Variants in DPYD observed in about 807,000 individuals in gnomAD.
DPYD encodes dihydropyrimidine dehydrogenase.
A neutral mutation model predicts 116.2 loss-of-function variants in DPYD; 109 were observed. The ratio of observed to expected loss-of-function variants is 0.94; its 90% CI spans 0.80 to 1.10. DPYD has a LOEUF of 1.10. DPYD is among the 50% of genes least tolerant of loss of function. The probability of loss-of-function intolerance (pLI) is 0.00; values close to 1 mark genes in which losing one functional copy is unlikely to be tolerated. For synonymous variants in DPYD, 440 were observed against 432.0 expected, an observed-to-expected ratio of 1.02 and a Z score of -0.23; for missense variants, 1,302 against 1,254.5, an observed-to-expected ratio of 1.04 and a Z score of -0.57.
chr1:97,408,208 G>A (rs1184425360), intron 14 of DPYD, among the ~76,000 whole-genome samples: 2 of 152,128 alleles, frequency 1.3e-5, no homozygotes, highest in Non-Finnish European at 2.9e-5. Flanking sequence ...ACCTGCTGAG[G>A]TGCTTGCTGA....
chr1:97,450,339 G>T, intron 13 of DPYD, 116 bp from the exon 14 acceptor site: 1 of 1,132,778 alleles, frequency 8.8e-7, no homozygotes, highest in Non-Finnish European at 1.2e-6. Context: ...CATTTTTGCA[G>T]AGGAATTTTT....
At chr1:97,881,398 T>C (rs569075698) in intron 2 of DPYD, among the ~76,000 whole-genome samples, 5 of 152,112 alleles carry the variant, frequency 3.3e-5, no homozygotes, top group Admixed American at 2.0e-4. Flanking sequence ...CTCTGTTGTT[T>C]AAGCCACCTA....
intron 3 of DPYD, among the ~76,000 whole-genome samples, chr1:97,821,500 A>G (rs1432814168): frequency 6.6e-6 from 1 of 152,194 alleles, no homozygotes; most frequent in Non-Finnish European, 1.5e-5. Context: ...AAGAAAGAAT[A>G]TGATGAAAAG....
intron 3 of DPYD, among the ~76,000 whole-genome samples, chr1:97,780,305 T>C (rs1666667947): frequency 6.6e-6 from 1 of 152,204 alleles, no homozygotes; most frequent in East Asian, 1.9e-4. Flanking sequence ...GACTTCGACA[T>C]TGTTGTTTTG....
At chr1:97,136,717 T>G (rs1308794028) in intron 20 of DPYD, among the ~76,000 whole-genome samples, 1 of 152,144 alleles carries the variant, frequency 6.6e-6, no homozygotes, top group African/African-American at 2.4e-5. Flanking sequence ...TAGTCTGAAC[T>G]TCCCCAAAAA....
At chr1:97,805,706 CA>C (rs144533941) in intron 3 of DPYD, among the ~76,000 whole-genome samples, 435 of 151,542 alleles carry the variant, frequency 2.9e-3, no homozygotes, top group Non-Finnish European at 4.7e-3. Context: ...AGTAGACAAA[CA>C]AAAGTTCCTA....
intron 18 of DPYD, among the ~76,000 whole-genome samples, chr1:97,270,309 G>A (rs796409542): frequency 6.6e-6 from 1 of 152,168 alleles, no homozygotes; most frequent in Non-Finnish European, 1.5e-5. Flanking sequence ...CCAGTAGAAT[G>A]TGTATAGACT....
intron 14 of DPYD, among the ~76,000 whole-genome samples, chr1:97,434,945 A>G (rs1248343420): frequency 6.6e-6 from 1 of 151,964 alleles, no homozygotes; most frequent in Non-Finnish European, 1.5e-5. Flanking sequence ...TTGTGAGGTT[A>G]TTGTGAAATC....
At chr1:97,209,243 G>A (rs1189184336) in intron 19 of DPYD, among the ~76,000 whole-genome samples, 5 of 151,966 alleles carry the variant, frequency 3.3e-5, no homozygotes, top group Non-Finnish European at 1.5e-5. Context: ...GGTAAATAAG[G>A]TAAATAAATA....
intron 5 of DPYD, among the ~76,000 whole-genome samples, chr1:97,706,419 T>A (rs1387557345): frequency 6.6e-6 from 1 of 152,038 alleles, no homozygotes; most frequent in South Asian, 2.1e-4. Context: ...GCACCTTCAA[T>A]GGGTTTGCAC....
intron 1 of DPYD, among the ~76,000 whole-genome samples, chr1:97,888,821 A>G (rs1031890316): frequency 6.6e-6 from 1 of 152,042 alleles, no homozygotes; most frequent in Non-Finnish European, 1.5e-5. Context: ...AACAAACAAT[A>G]AGAGAATTTG....
intron 18 of DPYD, among the ~76,000 whole-genome samples, chr1:97,268,195 G>C (rs1434050381): frequency 1.3e-5 from 2 of 152,158 alleles, no homozygotes; most frequent in Admixed American, 1.3e-4. Flanking sequence ...TGGGCCCCTA[G>C]GGATTGGGCA....
At chr1:97,700,096 G>A in intron 5 of DPYD, 1 of 373,562 alleles carries the variant, frequency 2.7e-6, no homozygotes, top group Non-Finnish European at 5.3e-6. Flanking sequence ...TACTGACGCA[G>A]GCATCTTGGA....
intron 3 of DPYD, among the ~76,000 whole-genome samples, chr1:97,750,459 T>A (rs1392359922): frequency 6.6e-6 from 1 of 152,142 alleles, no homozygotes; most frequent in Non-Finnish European, 1.5e-5. Flanking sequence ...TTGGGATAGA[T>A]TTTACTTTTC....
Position 97,266,891 on chromosome 1 carries a change from G to A in DPYD, c.2300-31897C>T, listed in dbSNP as rs183820493. On this transcript the variant is annotated intron_variant, in intron 18 of 22. Coordinates refer to ENST00000370192, the MANE Select transcript of DPYD (RefSeq NM_000110.4). ...TTTTTATAGCTGCATAGTATTCCAC[G>A]GTGTATATGTGCCACATTTTCTTAA... Among the ~76,000 whole-genome samples the A allele has an allele frequency of 9.2e-5, 14 of 152,138 alleles. 1 individual carries two copies. The East Asian group carries it at 1.9e-3, about 21-fold the overall frequency.
chr1:97,181,309 C>T (rs1461857998), intron 20 of DPYD, among the ~76,000 whole-genome samples: 3 of 152,102 alleles, frequency 2.0e-5, no homozygotes, highest in Admixed American at 1.3e-4. Context: ...GCAAAACTAC[C>T]TCTTCCCATA....
At chr1:97,094,912 T>C (rs1384367602) in intron 21 of DPYD, among the ~76,000 whole-genome samples, 1 of 152,096 alleles carries the variant, frequency 6.6e-6, no homozygotes, top group Non-Finnish European at 1.5e-5. Context: ...CTCTCTGAAC[T>C]CAGTGATTTT....
At chr1:97,780,116 TC>T (rs1338514315) in intron 3 of DPYD, among the ~76,000 whole-genome samples, 1 of 152,202 alleles carries the variant, frequency 6.6e-6, no homozygotes, top group Non-Finnish European at 1.5e-5. Context: ...ATCAGTGATG[TC>T]TTGGAATTGA....
intron 16 of DPYD, among the ~76,000 whole-genome samples, chr1:97,330,994 C>T (rs533768039): frequency 1.3e-5 from 2 of 152,202 alleles, no homozygotes; most frequent in South Asian, 2.1e-4. Flanking sequence ...AAAAATAAAA[C>T]GCAACTGCAA....
Sources: allele counts gnomAD v4.1 joint callset (sites outside exome capture counted in the v4.1 genomes callset), GRCh38; gene constraint gnomAD v4.1.1; transcripts MANE v1.5; gene names NCBI Gene and HGNC (gene_info 2026-07-23, HGNC 2026-07-21).